Variants in BFAR observed in about 807,000 individuals in gnomAD.
The protein encoded by BFAR is RING finger protein 47.
BFAR carries 52 observed loss-of-function variants against 54.4 expected under a neutral mutation model. The ratio of observed to expected loss-of-function variants is 0.96; its 90% CI spans 0.77 to 1.21. The LOEUF (loss-of-function observed/expected upper bound fraction) is 1.21. Ranked by LOEUF, BFAR falls within the 50% of genes most tolerant of loss-of-function variation. The pLI is 0.00. For missense variants in BFAR, 571 were observed against 534.0 expected, an observed-to-expected ratio of 1.07 and a Z score of -0.68; for synonymous variants, 215 against 204.3, an observed-to-expected ratio of 1.05 and a Z score of -0.45.
intron 2 of BFAR, 37 bp from the exon 3 acceptor site, chr16:14,648,351 A>C: frequency 6.5e-7 from 1 of 1,540,728 alleles, no homozygotes; most frequent in Non-Finnish European, 8.9e-7. Flanking sequence ...TATTTAGTCA[A>C]ACAACTGTCT....
chr16:14,656,609 A>T (rs1252969380), intron 5 of BFAR, among the ~76,000 whole-genome samples: 1 of 152,122 alleles, frequency 6.6e-6, no homozygotes, highest in African/African-American at 2.4e-5. Context: ...TCCTGGGTAA[A>T]TAACCTTAGA....
intron 1 of BFAR, among the ~76,000 whole-genome samples, chr16:14,635,132 C>A (rs1959392765): frequency 6.6e-6 from 1 of 152,156 alleles, no homozygotes; most frequent in Non-Finnish European, 1.5e-5. Context: ...CTCAGGTGTT[C>A]AAGATCAGCT....
At chr16:14,659,628 G>A (rs1216528446) in intron 5 of BFAR, among the ~76,000 whole-genome samples, 1 of 151,154 alleles carries the variant, frequency 6.6e-6, no homozygotes, top group Non-Finnish European at 1.5e-5. Context: ...TCCACTCACT[G>A]CAAGCTCCGC....
At chr16:14,639,330 C>A (rs1159268186) in intron 1 of BFAR, among the ~76,000 whole-genome samples, 3 of 151,374 alleles carry the variant, frequency 2.0e-5, no homozygotes, top group African/African-American at 7.3e-5. Context: ...TTTTTTCAGA[C>A]AGAGTCTCGC....
intron 1 of BFAR, among the ~76,000 whole-genome samples, chr16:14,636,824 G>C (rs761582179): frequency 6.6e-6 from 1 of 152,214 alleles, no homozygotes; most frequent in East Asian, 1.9e-4. Flanking sequence ...CAGTGTTTGC[G>C]TCCCTGGGTA....
Position 14,644,627 on chromosome 16 carries a change from T to C in BFAR, c.263+18T>C, listed in dbSNP as rs778322718. Reference sequence around the variant, plus strand: ...CTCCTCAGGTAATGTTCAGCCTATATTGGTAGCACAAACAGCCCATAAAAT... The same window carrying C: ...CTCCTCAGGTAATGTTCAGCCTATACTGGTAGCACAAACAGCCCATAAAAT... On this transcript the variant is annotated intron_variant, in intron 2 of 7. Coordinates refer to ENST00000261658, the MANE Select transcript of BFAR (RefSeq NM_016561.3). 3.1e-6 allele frequency: 5 copies of C among 1,605,652 alleles called. No homozygotes were observed. Among genetic ancestry groups the C allele is most frequent in the South Asian group, 2.2e-5 (2 of 90,910 alleles).
chr16:14,634,248 T>G (rs557451533), intron 1 of BFAR, among the ~76,000 whole-genome samples: 2 of 152,344 alleles, frequency 1.3e-5, no homozygotes, highest in South Asian at 4.1e-4. Flanking sequence ...GGACTGCACG[T>G]GCTGATGGGG....
chr16:14,639,666 G>A (rs1011420888), intron 1 of BFAR, among the ~76,000 whole-genome samples: 2 of 152,130 alleles, frequency 1.3e-5, no homozygotes, highest in African/African-American at 4.8e-5. Context: ...GAGATTGTGT[G>A]TGTTCCCAGT....
chr16:14,635,210 C>A (rs1596960044), intron 1 of BFAR, among the ~76,000 whole-genome samples: 1 of 152,266 alleles, frequency 6.6e-6, no homozygotes, highest in East Asian at 1.9e-4. Flanking sequence ...TGGTGGACGC[C>A]TGTAGTTCCA....
intron 5 of BFAR, among the ~76,000 whole-genome samples, chr16:14,658,617 C>T (rs1960194504): frequency 6.6e-6 from 1 of 151,842 alleles, no homozygotes; most frequent in Non-Finnish European, 1.5e-5. Flanking sequence ...CCTGTAGTCC[C>T]AGCTACTGGG....
chr16:14,652,064 T>A (rs1959984813), intron 4 of BFAR, among the ~76,000 whole-genome samples: 2 of 151,402 alleles, frequency 1.3e-5, no homozygotes, highest in Non-Finnish European at 2.9e-5. Context: ...TTTTTGTATT[T>A]TTAGTAGAGA....
At chr16:14,659,395 C>T (rs1960225588) in intron 5 of BFAR, among the ~76,000 whole-genome samples, 1 of 151,830 alleles carries the variant, frequency 6.6e-6, no homozygotes, top group African/African-American at 2.4e-5. Flanking sequence ...GTGCCCACCA[C>T]CACACCGGCT....
intron 6 of BFAR, among the ~76,000 whole-genome samples, chr16:14,664,445 T>A (rs1960381730): frequency 1.3e-5 from 2 of 150,888 alleles, no homozygotes; most frequent in African/African-American, 4.9e-5. Context: ...GGAAATTTCA[T>A]TTTAGATTGT....
At chr16:14,641,118 C>G (rs2151835748) in intron 1 of BFAR, among the ~76,000 whole-genome samples, 1 of 152,320 alleles carries the variant, frequency 6.6e-6, no homozygotes, top group African/African-American at 2.4e-5. Flanking sequence ...GTAATTATTG[C>G]TTCTCGCCCT....
In BFAR at chr16:14,664,830, G is replaced by A. The variant is rs371224879; in HGVS notation, c.958-39G>A. The A allele has an allele frequency of 1.4e-5, 22 of 1,560,022 alleles. No homozygotes were observed. In the African/African-American group the frequency reaches 3.0e-4, roughly 21 times the overall value. ...ATCACAATATTTTGTGTAAAAGTCA[G>A]TCCTCATGACTTTTTGCGTCTGTGT... is the stretch of plus-strand genomic sequence containing the variant. On this transcript the variant is annotated intron_variant, in intron 6 of 7. Coordinates refer to ENST00000261658, the MANE Select transcript of BFAR (RefSeq NM_016561.3).
rs975174586 is a variant in BFAR at position 14,665,092 on chromosome 16, G to C, written c.1160+21G>C. ...CTGAAGTAAGTATGTTTTAATGGTTGTCACAACAGGGGATGGGAAAGAAAT... is the reference window on the plus strand; with the variant it reads ...CTGAAGTAAGTATGTTTTAATGGTTCTCACAACAGGGGATGGGAAAGAAAT... On this transcript the variant is annotated intron_variant, in intron 7 of 7. Transcript: ENST00000261658. 1.9e-6 allele frequency: 3 copies of C among 1,579,252 alleles called. No individual in the cohort carries two copies. In the African/African-American group the frequency reaches 4.0e-5, roughly 21 times the overall value.
At chr16:14,667,095 C>G (rs1471496882) in intron 7 of BFAR, among the ~76,000 whole-genome samples, 1 of 151,906 alleles carries the variant, frequency 6.6e-6, no homozygotes, top group East Asian at 1.9e-4. Flanking sequence ...CCCAGCTACT[C>G]GGGAGGTTGA....
At chr16:14,659,085 T>C (rs949248108) in intron 5 of BFAR, among the ~76,000 whole-genome samples, 5 of 151,220 alleles carry the variant, frequency 3.3e-5, no homozygotes, top group Non-Finnish European at 4.4e-5. Flanking sequence ...TTTTTTGTAT[T>C]TTTAGTAGGG....
intron 5 of BFAR, 90 bp downstream of exon 5, chr16:14,655,300 T>G: frequency 9.6e-7 from 1 of 1,042,698 alleles, no homozygotes; most frequent in South Asian, 3.7e-5. Context: ...TTTTTTATTT[T>G]TGACAGTTTA....
Sources: gnomAD v4.1 joint callset for allele counts (sites outside exome capture counted in the v4.1 genomes callset) on GRCh38, gnomAD v4.1.1 for gene constraint, MANE v1.5 for transcripts, NCBI Gene and HGNC (gene_info 2026-07-23, HGNC 2026-07-21) for gene names.